The following CNTNAP2 variants were observed in gnomAD, a reference collection of about 807,000 sequenced individuals.
The protein encoded by CNTNAP2 is contactin-associated protein-like 2.
A neutral mutation model predicts 155.2 loss-of-function variants in CNTNAP2; 98 were observed. The observed-to-expected ratio is 0.63, with a 90% CI of 0.54 to 0.75. The LOEUF (loss-of-function observed/expected upper bound fraction) is 0.75. CNTNAP2 is among the 30% of genes least tolerant of loss of function. The pLI, the probability that CNTNAP2 is intolerant of heterozygous loss-of-function variation, is 0.00. For synonymous variants in CNTNAP2, 651 were observed against 631.2 expected (o/e 1.03, Z -0.47); for missense variants, 1,727 against 1,688.1 (o/e 1.02, Z -0.40).
chr7:147,955,189 C>A (rs539129115), intron 14 of CNTNAP2, among the ~76,000 whole-genome samples: 1 of 152,306 alleles, frequency 6.6e-6, no homozygotes, highest in East Asian at 1.9e-4. Flanking sequence ...TTAAATCTTA[C>A]AACTCGTTGA....
chr7:147,489,386 G>A (rs10259368), intron 11 of CNTNAP2, among the ~76,000 whole-genome samples: 90,290 of 151,520 alleles, frequency 0.6, 26,976 homozygotes, highest in African/African-American at 0.63. Flanking sequence ...TGTCGTTTAA[G>A]AACAAAAGAG....
intron 8 of CNTNAP2, among the ~76,000 whole-genome samples, chr7:147,170,268 A>G (rs1219778388): frequency 6.6e-6 from 1 of 151,950 alleles, no homozygotes; most frequent in Non-Finnish European, 1.5e-5. Context: ...CTTTAGAGCT[A>G]TGGGTGGTAG....
chr7:146,618,129 G>A (rs145280420), intron 1 of CNTNAP2, among the ~76,000 whole-genome samples: 7 of 152,252 alleles, frequency 4.6e-5, no homozygotes, highest in East Asian at 3.9e-4. Context: ...ACTGCTCAGC[G>A]TGGGGTAGAC....
At chr7:146,479,926 A>T (rs986239978) in intron 1 of CNTNAP2, among the ~76,000 whole-genome samples, 6 of 152,168 alleles carry the variant, frequency 3.9e-5, no homozygotes, top group Non-Finnish European at 7.3e-5. Context: ...CTGGGATTAC[A>T]GGCGCCCGCC....
intron 2 of CNTNAP2, among the ~76,000 whole-genome samples, chr7:146,778,036 T>C (rs1482030545): frequency 6.6e-6 from 1 of 152,124 alleles, no homozygotes; most frequent in Non-Finnish European, 1.5e-5. Context: ...AATTTACAAG[T>C]GGCAAGAGTC....
intron 1 of CNTNAP2, among the ~76,000 whole-genome samples, chr7:146,408,231 A>C (rs1354786538): frequency 1.3e-5 from 2 of 152,210 alleles, no homozygotes; most frequent in Non-Finnish European, 2.9e-5. Context: ...CATTAAAAAT[A>C]AGCAATTCAT....
intron 1 of CNTNAP2, among the ~76,000 whole-genome samples, chr7:146,121,364 G>C (rs925193779): frequency 5.9e-5 from 9 of 151,998 alleles, no homozygotes; most frequent in African/African-American, 1.9e-4. Context: ...CATGTCATCT[G>C]TTTTTAAAAA....
rs1466467613 is a variant in CNTNAP2, at chr7:148,404,795, G to A, written c.3716-4596G>A. ...TGATGGAGGTGGCTCTCAGTGGGAT[G>A]GGGAGCTGGAAAGGGATGAAATGGG... On this transcript the variant is annotated intron_variant, in intron 22 of 23. Coordinates refer to ENST00000361727, the MANE Select transcript of CNTNAP2 (RefSeq NM_014141.6). Among the ~76,000 whole-genome samples, 3 of 152,158 alleles carry A rather than the reference G, an allele frequency of 2.0e-5. No homozygotes were observed. The East Asian group carries it at 5.8e-4, about 29-fold the overall frequency.
intron 1 of CNTNAP2, among the ~76,000 whole-genome samples, chr7:146,755,304 A>G (rs1052435537): frequency 2.6e-5 from 4 of 152,036 alleles, no homozygotes; most frequent in African/African-American, 9.7e-5. Flanking sequence ...TTATATTCTG[A>G]ACAGGGACGG....
intron 10 of CNTNAP2, among the ~76,000 whole-genome samples, chr7:147,398,958 G>A (rs1246467005): frequency 6.6e-6 from 1 of 151,902 alleles, no homozygotes; most frequent in Admixed American, 6.6e-5. Flanking sequence ...AGTAGATCAA[G>A]GTGTTGAGTT....
At chr7:146,336,576 T>TA (rs1252287901) in intron 1 of CNTNAP2, among the ~76,000 whole-genome samples, 3 of 151,890 alleles carry the variant, frequency 2.0e-5, no homozygotes, top group Non-Finnish European at 4.4e-5. Context: ...TTATCAAAAC[T>TA]AAAAATATTT....
intron 3 of CNTNAP2, among the ~76,000 whole-genome samples, chr7:147,004,875 G>A (rs2129242176): frequency 6.6e-6 from 1 of 152,146 alleles, no homozygotes; most frequent in African/African-American, 2.4e-5. Flanking sequence ...GAATATACTG[G>A]AAAATATATT....
intron 1 of CNTNAP2, among the ~76,000 whole-genome samples, chr7:146,224,594 A>C (rs1373843313): frequency 2.0e-3 from 30 of 15,218 alleles, no homozygotes; most frequent in African/African-American, 3.4e-3. Context: ...AAAAATACAA[A>C]AAAAAAAAAA....
intron 1 of CNTNAP2, among the ~76,000 whole-genome samples, chr7:146,172,083 C>G (rs1229040074): frequency 2.5e-4 from 12 of 47,660 alleles, no homozygotes; most frequent in Non-Finnish European, 4.4e-4. Flanking sequence ...ATGATATTTA[C>G]TTTGGAAGTT....
intron 3 of CNTNAP2, among the ~76,000 whole-genome samples, chr7:146,938,448 T>TATGTATAC: frequency 6.6e-6 from 1 of 150,516 alleles, no homozygotes; most frequent in East Asian, 2.0e-4. Context: ...TGTGTATACA[T>TATGTATAC]ATGTACACAT....
At chr7:147,406,324 T>C (rs1418269603) in intron 10 of CNTNAP2, among the ~76,000 whole-genome samples, 2 of 152,238 alleles carry the variant, frequency 1.3e-5, no homozygotes, top group African/African-American at 2.4e-5. Context: ...GTATTTATTA[T>C]AGCATTTGAA....
chr7:146,369,170 T>C (rs7805546), intron 1 of CNTNAP2, among the ~76,000 whole-genome samples: 2,338 of 151,362 alleles, frequency 0.015, 64 homozygotes, highest in African/African-American at 0.053. Flanking sequence ...CAGCATTACG[T>C]GTGTGTATGT....
At chr7:147,188,341 G>A (rs1000658285) in intron 8 of CNTNAP2, among the ~76,000 whole-genome samples, 4 of 152,112 alleles carry the variant, frequency 2.6e-5, no homozygotes, top group African/African-American at 7.2e-5. Context: ...TGAGAAGTTC[G>A]AAGCCTGTCA....
At chr7:148,343,990 T>A (rs1392403427) in intron 21 of CNTNAP2, among the ~76,000 whole-genome samples, 1 of 152,200 alleles carries the variant, frequency 6.6e-6, no homozygotes, top group Non-Finnish European at 1.5e-5. Flanking sequence ...GCCTGAGGGC[T>A]CCCATGACTG....
Sources: allele counts gnomAD v4.1 joint callset (sites outside exome capture counted in the v4.1 genomes callset), GRCh38; gene constraint gnomAD v4.1.1; transcripts MANE v1.5; gene names NCBI Gene and HGNC (gene_info 2026-07-23, HGNC 2026-07-21).